The following ALDH18A1 variants were observed in gnomAD, a reference collection of about 807,000 sequenced individuals.
The protein encoded by ALDH18A1 is aldehyde dehydrogenase 18 family member A1, also known as delta-1-pyrroline-5-carboxylate synthase.
In ALDH18A1, 44 loss-of-function variants were observed where a neutral mutation model predicts 88.8. The ratio of observed to expected loss-of-function variants is 0.50; its 90% confidence interval spans 0.39 to 0.64. The LOEUF is 0.64. Among genes scored for constraint, ALDH18A1 ranks in the 30% least tolerant of loss-of-function variants. The probability of loss-of-function intolerance (pLI) is 0.00; values close to 1 mark genes in which losing one functional copy is unlikely to be tolerated. For missense variants in ALDH18A1, 782 were observed against 1,009.5 expected (o/e 0.77, Z 3.05); for synonymous variants, 331 against 372.1 (o/e 0.89, Z 1.27).
chr10:95,614,700 C>A (rs1381509546), intron 13 of ALDH18A1, among the ~76,000 whole-genome samples: 1 of 152,114 alleles, frequency 6.6e-6, no homozygotes, highest in African/African-American at 2.4e-5. Flanking sequence ...ACTTAAAGAG[C>A]CTGTGAGAGG....
At chr10:95,628,914 G>C in intron 7 of ALDH18A1, 1 of 245,732 alleles carries the variant, frequency 4.1e-6, no homozygotes, top group Non-Finnish European at 8.0e-6. Context: ...TTTCCAAGCA[G>C]GATGAAATGC....
At chr10:95,609,859 C>A (rs2097830146) in intron 17 of ALDH18A1, among the ~76,000 whole-genome samples, 1 of 149,702 alleles carries the variant, frequency 6.7e-6, no homozygotes, top group Non-Finnish European at 1.5e-5. Context: ...ACCTCTGCCT[C>A]CCGGGTTCAA....
chr10:95,622,030 G>A (rs2097853452), intron 11 of ALDH18A1, among the ~76,000 whole-genome samples: 1 of 152,022 alleles, frequency 6.6e-6, no homozygotes, highest in South Asian at 2.1e-4. Flanking sequence ...ATATATGTGT[G>A]CACGGGAAGA....
intron 1 of ALDH18A1, among the ~76,000 whole-genome samples, chr10:95,654,926 G>A (rs924606889): frequency 1.3e-5 from 2 of 151,976 alleles, no homozygotes; most frequent in African/African-American, 4.8e-5. Flanking sequence ...ACCTTCCCCA[G>A]CAAGGCTAGT....
At chr10:95,649,226 G>T (rs1366246145) in intron 2 of ALDH18A1, among the ~76,000 whole-genome samples, 3 of 145,142 alleles carry the variant, frequency 2.1e-5, no homozygotes, top group African/African-American at 7.9e-5. Context: ...ACTCAAAATA[G>T]ATCACGAAGT....
Position 95,613,759 on chromosome 10 carries a change from T to G in ALDH18A1, c.1906A>C (p.Met636Leu), listed in dbSNP as rs781554600. The G allele has an allele frequency of 1.9e-6, 3 of 1,614,056 alleles. No homozygotes were observed. The African/African-American group carries it at 4.0e-5, about 22-fold the overall frequency. The change falls in exon 15 of 18, where the codon ATG (methionine) becomes CTG (leucine). Residue 636 changes from methionine to leucine, a missense_variant. Coordinates refer to ENST00000371224, the MANE Select transcript of ALDH18A1 (RefSeq NM_002860.4). ...ACTCTTACCTGTTCCACTCTCAGCA[T>G]ATCAATGATCTGGTCAAATAATGGT... is the stretch of plus-strand genomic sequence containing the variant. ...RTPLFDQIID[M>L]LRVEQVKIHA...
Position 95,637,474 on chromosome 10 carries a change from G to A in ALDH18A1, c.304-38C>T, listed in dbSNP as rs149729806. The A allele has an allele frequency of 5.9e-4, 944 of 1,610,564 alleles. 1 individual carries two copies. Among genetic ancestry groups the A allele is most frequent in the South Asian group, 1.3e-3 (119 of 90,926 alleles). ...AAAGGAAAGGGGACTGTAAGTTACC[G>A]TACTGTCTCTTTCATCTCTTCACAA... is the stretch of plus-strand genomic sequence containing the variant. On this transcript the variant is annotated intron_variant, in intron 3 of 17. Transcript: ENST00000371224.
chr10:95,606,384 T>G lies in ALDH18A1; in HGVS notation c.*378A>C. ...AGAAATAAAATGTGAAAAGATTTGT[T>G]AAGGATGACTGGCTCTAGTACCAAC... On this transcript the variant is annotated 3_prime_UTR_variant, in exon 18 of 18. Coordinates refer to ENST00000371224, the MANE Select transcript of ALDH18A1 (RefSeq NM_002860.4). The G allele has an allele frequency of 9.6e-7, 1 of 1,041,242 alleles. No individual in the cohort carries two copies. The highest frequency in any genetic ancestry group is 1.2e-6 in the Non-Finnish European group (1 of 864,272). 64.5% of individuals were successfully genotyped at this position (1,041,242 alleles called of 1,614,324 possible).
Position 95,606,369 on chromosome 10 carries a change from T to C in ALDH18A1, c.*393A>G, listed in dbSNP as rs925347238. Reference sequence around the variant, plus strand: ...ATGACTACATGTGAAAGAAATAAAATGTGAAAAGATTTGTTAAGGATGACT... The same window carrying C: ...ATGACTACATGTGAAAGAAATAAAACGTGAAAAGATTTGTTAAGGATGACT... On this transcript the variant is annotated 3_prime_UTR_variant, in exon 18 of 18. Coordinates refer to ENST00000371224, the MANE Select transcript of ALDH18A1 (RefSeq NM_002860.4). 5 of 1,021,156 alleles carry C rather than the reference T, an allele frequency of 4.9e-6. No individual in the cohort carries two copies. Among genetic ancestry groups the C allele is most frequent in the Non-Finnish European group, 5.9e-6 (5 of 851,452 alleles). The allele number at this position is 1,021,156 out of a possible 1,614,324, so 63.3% of individuals were successfully genotyped here. A position where few individuals can be genotyped will look rare whatever the true frequency, so the allele number is the denominator to read the frequency against.
chr10:95,646,486 C>G (rs2097901575), intron 2 of ALDH18A1, among the ~76,000 whole-genome samples: 1 of 152,122 alleles, frequency 6.6e-6, no homozygotes, highest in Non-Finnish European at 1.5e-5. Context: ...GCAGTTGACT[C>G]AGTCAAATCC....
At chr10:95,635,440 G>A (rs781176228) in intron 5 of ALDH18A1, among the ~76,000 whole-genome samples, 1 of 152,154 alleles carries the variant, frequency 6.6e-6, no homozygotes, top group African/African-American at 2.4e-5. Flanking sequence ...TTAGACAAGC[G>A]CAATCTGTTG....
chr10:95,623,774 AGGCT>A (rs1279038943), intron 11 of ALDH18A1, among the ~76,000 whole-genome samples: 6 of 152,270 alleles, frequency 3.9e-5, no homozygotes, highest in African/African-American at 1.4e-4. Context: ...CATGTTGGTC[AGGCT>A]GGTCTTGAGC....
At chr10:95,637,750 C>T (rs2097883535) in intron 3 of ALDH18A1, among the ~76,000 whole-genome samples, 1 of 152,100 alleles carries the variant, frequency 6.6e-6, no homozygotes, top group Admixed American at 6.5e-5. Context: ...AGGCACAATG[C>T]CTGAGCCCAG....
chr10:95,624,117 G>A (rs1288485601), intron 11 of ALDH18A1, among the ~76,000 whole-genome samples: 5 of 152,352 alleles, frequency 3.3e-5, no homozygotes, highest in East Asian at 3.9e-4. Context: ...GATTACGGGC[G>A]TGAGCCACTG....
Position 95,625,348 on chromosome 10 carries a change from T to C in ALDH18A1, c.1246+14A>G. The C allele has an allele frequency of 6.2e-7, 1 of 1,611,924 alleles. No homozygotes were observed. Among genetic ancestry groups the C allele is most frequent in the East Asian group, 2.2e-5 (1 of 44,866 alleles). Reference sequence around the variant, plus strand: ...CCCCTCCACAACATTGACTTTAAATTGCCTGGTCTTTACCCTCTGCCTCCT... The same window carrying C: ...CCCCTCCACAACATTGACTTTAAATCGCCTGGTCTTTACCCTCTGCCTCCT... On this transcript the variant is annotated intron_variant, in intron 11 of 17. Coordinates refer to ENST00000371224, the MANE Select transcript of ALDH18A1 (RefSeq NM_002860.4).
chr10:95,624,977 G>A (rs1426215581), intron 11 of ALDH18A1, among the ~76,000 whole-genome samples: 2 of 152,208 alleles, frequency 1.3e-5, no homozygotes, highest in Admixed American at 6.5e-5. Context: ...GAGGCACTAT[G>A]TTATGAAGAT....
intron 3 of ALDH18A1, 39 bp downstream of exon 3, chr10:95,642,953 C>G: frequency 1.9e-6 from 3 of 1,607,486 alleles, no homozygotes; most frequent in Non-Finnish European, 2.5e-6. Context: ...ACTTAAAAAC[C>G]CAATTTTAGT....
intron 11 of ALDH18A1, among the ~76,000 whole-genome samples, chr10:95,623,658 C>T (rs1482222700): frequency 2.6e-5 from 4 of 151,980 alleles, no homozygotes; most frequent in Non-Finnish European, 4.4e-5. Flanking sequence ...CTCTGCCTCC[C>T]GAGTTCAAGC....
At chr10:95,607,919 G>A (rs1426780393) in intron 17 of ALDH18A1, among the ~76,000 whole-genome samples, 1 of 152,184 alleles carries the variant, frequency 6.6e-6, no homozygotes, top group African/African-American at 2.4e-5. Flanking sequence ...GTAGTGGTTG[G>A]CAAGGAGAGT....
Sources: gnomAD v4.1 joint callset for allele counts (sites outside exome capture counted in the v4.1 genomes callset) on GRCh38, gnomAD v4.1.1 for gene constraint, MANE v1.5 for transcripts, NCBI Gene and HGNC (gene_info 2026-07-23, HGNC 2026-07-21) for gene names.